Variants in CELF2 observed in about 807,000 individuals in gnomAD.
CELF2 encodes the protein CUGBP Elav-like family member 2.
CELF2 carries 8 observed loss-of-function variants against 62.6 expected under a neutral mutation model. That is an observed-to-expected ratio of 0.13 (90% CI 0.07 to 0.23). CELF2 has a LOEUF of 0.23. Among genes scored for constraint, CELF2 ranks in the 10% least tolerant of loss-of-function variants. The probability of loss-of-function intolerance (pLI) is 1.00; values close to 1 mark genes in which losing one functional copy is unlikely to be tolerated. For missense variants in CELF2, 333 were observed against 671.0 expected (o/e 0.50, Z 5.56); for synonymous variants, 258 against 250.0 (o/e 1.03, Z -0.30).
the CELF2 span, among the ~76,000 whole-genome samples, chr10:10,645,951 C>T: frequency 1.3e-5 from 2 of 152,220 alleles, no homozygotes; most frequent in Non-Finnish European, 2.9e-5. Flanking sequence ...AGGATGCTAA[C>T]TTCCTGTGGC....
rs1158212161 is a variant in CELF2 at position 10,995,820 on chromosome 10, G to A, written c.89+75821G>A. Among the ~76,000 whole-genome samples, 2 of 152,154 alleles carry A rather than the reference G, an allele frequency of 1.3e-5. No homozygotes were observed. The highest frequency in any genetic ancestry group is 1.9e-4 in the East Asian group (1 of 5,198). On this transcript the variant is annotated intron_variant, in intron 2 of 13. Transcript: ENST00000636488. This position sits in a 1 kb window ranked among gnomAD's most constrained non-coding sequence, Gnocchi z 4.7. Reference sequence around the variant, plus strand: ...GGGAGGAAGTGGTTGGGAAAGTGTTGTTCAACAGATTCTCGTCTCTCTGAC... The same window carrying A: ...GGGAGGAAGTGGTTGGGAAAGTGTTATTCAACAGATTCTCGTCTCTCTGAC...
At chr10:10,874,188 A>G (rs1325792079) in intron 1 of CELF2, among the ~76,000 whole-genome samples, 3 of 152,214 alleles carry the variant, frequency 2.0e-5, no homozygotes, top group African/African-American at 7.2e-5. Flanking sequence ...GCATGGTGGC[A>G]CATGCCTTAA....
chr10:10,749,054 A>C, the CELF2 span, among the ~76,000 whole-genome samples: 1 of 152,330 alleles, frequency 6.6e-6, no homozygotes, highest in East Asian at 1.9e-4. Context: ...TTTTTGCTTT[A>C]CGGGAGATTC....
chr10:10,778,377 C>A, the CELF2 span, among the ~76,000 whole-genome samples: 2 of 152,152 alleles, frequency 1.3e-5, no homozygotes, highest in Admixed American at 6.5e-5. Context: ...GACTCTCCTG[C>A]CTACAAAACT....
chr10:10,786,918 C>CACACAG, the CELF2 span, among the ~76,000 whole-genome samples: 1 of 151,196 alleles, frequency 6.6e-6, no homozygotes, highest in Admixed American at 6.6e-5. Flanking sequence ...CACACACACA[C>CACACAG]AGGAGTGCAG....
chr10:10,963,055 TTTTGTGATGC>T (rs2049716809), intron 2 of CELF2, among the ~76,000 whole-genome samples: 1 of 144,870 alleles, frequency 6.9e-6, no homozygotes, highest in South Asian at 2.2e-4. Flanking sequence ...TTTTGTTTTG[TTTTGTGATGC>T]AGTCTTGCTC....
At chr10:10,587,826 G>A in the CELF2 span, among the ~76,000 whole-genome samples, 3 of 151,970 alleles carry the variant, frequency 2.0e-5, no homozygotes, top group Non-Finnish European at 2.9e-5. Context: ...GAGAAATGAG[G>A]GCTTGACTAC....
At chr10:10,701,804 A>G in the CELF2 span, among the ~76,000 whole-genome samples, 1 of 152,178 alleles carries the variant, frequency 6.6e-6, no homozygotes, top group African/African-American at 2.4e-5. Context: ...TCGCTTAGAG[A>G]CCATGAGAAA....
chr10:11,155,949 GC>G (rs2064288054), intron 1 of CELF2, among the ~76,000 whole-genome samples: 1 of 152,168 alleles, frequency 6.6e-6, no homozygotes, highest in Admixed American at 6.5e-5. Flanking sequence ...ATTAAATTCT[GC>G]CATTGATAGA....
At chr10:11,259,334 C>T (rs978640499) in intron 5 of CELF2, among the ~76,000 whole-genome samples, 3 of 151,968 alleles carry the variant, frequency 2.0e-5, no homozygotes, top group South Asian at 4.1e-4. Flanking sequence ...ACAACCACCT[C>T]CAGAGCCCCA....
chr10:10,986,899 C>T (rs1398199202), intron 2 of CELF2, among the ~76,000 whole-genome samples: 2 of 152,162 alleles, frequency 1.3e-5, no homozygotes, highest in Non-Finnish European at 2.9e-5. Context: ...AGGCCCCCAG[C>T]CCTGAGGACT....
chr10:11,300,006 C>T lies in CELF2; in HGVS notation c.976+11454C>T, dbSNP rs977726318. ...TGTGTACTGCCTGTATGAATGGACT[C>T]TTCCAAACTCATGGCCCCACACTGC... On this transcript the variant is annotated intron_variant, in intron 9 of 12. Coordinates refer to ENST00000633077, the MANE Select transcript of CELF2 (RefSeq NM_001326342.2). The surrounding 1 kb of genome is among the most constrained non-coding windows in gnomAD (Gnocchi z 5.5). 8.5e-5 allele frequency among the ~76,000 whole-genome samples: 13 copies of T among 152,210 alleles called. No homozygotes were observed. The highest frequency in any genetic ancestry group is 2.9e-4 in the African/African-American group (12 of 41,452).
chr10:11,316,410 G>A lies in CELF2; in HGVS notation c.1096+2152G>A, dbSNP rs78792873. Among the ~76,000 whole-genome samples the A allele has an allele frequency of 4.5e-3, 678 of 152,294 alleles. 9 individuals are homozygous for A. The highest frequency in any genetic ancestry group is 0.038 in the East Asian group (198 of 5,186). ...TTTTACAATCTCCAGCATTGACCTCGAGCTAATATTTGCTGCTTGTCTCTA... is the reference window on the plus strand; with the variant it reads ...TTTTACAATCTCCAGCATTGACCTCAAGCTAATATTTGCTGCTTGTCTCTA... On this transcript the variant is annotated intron_variant, in intron 10 of 12. Transcript: ENST00000633077. This position sits in a 1 kb window ranked among gnomAD's most constrained non-coding sequence, Gnocchi z 4.4.
At chr10:10,511,617 G>A in the CELF2 span, among the ~76,000 whole-genome samples, 3 of 152,264 alleles carry the variant, frequency 2.0e-5, no homozygotes, top group Non-Finnish European at 2.9e-5. Context: ...GGCAGTATGT[G>A]TAGTGGATAT....
chr10:11,005,131 A>G, upstream of CELF2: 2 of 985,270 alleles, frequency 2.0e-6, no homozygotes, highest in South Asian at 4.7e-5. This position sits in a 1 kb window ranked among gnomAD's most constrained non-coding sequence, Gnocchi z 4.3. Context: ...TATTAGTGTA[A>G]TAATATGCAT....
Position 11,075,051 on chromosome 10 carries a change from T to G in CELF2, c.74+56888T>G, listed in dbSNP as rs146262176. ...ACTCAGAATGGAATTGAAAGATGCT[T>G]TCGATTCTCTTGTTTCCTCTTGTCA... On this transcript the variant is annotated intron_variant, in intron 1 of 12. Coordinates refer to ENST00000633077, the MANE Select transcript of CELF2 (RefSeq NM_001326342.2). This position sits in a 1 kb window ranked among gnomAD's most constrained non-coding sequence, Gnocchi z 5.4. 3.9e-5 allele frequency: 6 copies of G among 152,308 alleles called. No homozygotes were observed. The East Asian group carries it at 5.8e-4, about 15-fold the overall frequency. 9.4% of individuals were successfully genotyped at this position (152,308 alleles called of 1,614,324 possible). A position where few individuals can be genotyped will look rare whatever the true frequency, so the allele number is the denominator to read the frequency against.
In CELF2 at chr10:11,334,850, C is replaced by CTT. The variant is rs1275185027; in HGVS notation, c.*5798_*5799dup. 2 of 152,312 alleles carry CTT rather than the reference C, an allele frequency of 1.3e-5. No homozygotes were observed. Among genetic ancestry groups the CTT allele is most frequent in the Admixed American group, 6.5e-5 (1 of 15,306 alleles). 9.4% of individuals were successfully genotyped at this position (152,312 alleles called of 1,614,324 possible). On this transcript the variant is annotated 3_prime_UTR_variant, in exon 13 of 13. Coordinates refer to ENST00000633077, the MANE Select transcript of CELF2 (RefSeq NM_001326342.2). Reference sequence around the variant, plus strand: ...GAGTTCTCCAGGGAAGAAAAATCAACTTAGCCAGTGAAAAGGGTTAAACTT... The same window carrying CTT: ...GAGTTCTCCAGGGAAGAAAAATCAACTTTTAGCCAGTGAAAAGGGTTAAACTT...
chr10:10,986,056 CTATT>C (rs1564314217), intron 2 of CELF2, among the ~76,000 whole-genome samples: 1 of 152,150 alleles, frequency 6.6e-6, no homozygotes, highest in Non-Finnish European at 1.5e-5. Context: ...ATTCATTTAT[CTATT>C]TGTCTCCCAA....
chr10:10,684,761 A>G, the CELF2 span, among the ~76,000 whole-genome samples: 1 of 152,164 alleles, frequency 6.6e-6, no homozygotes, highest in East Asian at 1.9e-4. Context: ...ACAACAAAAA[A>G]TTGCAACAAG....
Sources: allele counts gnomAD v4.1 joint callset (sites outside exome capture counted in the v4.1 genomes callset), GRCh38; gene constraint gnomAD v4.1.1; non-coding constraint Gnocchi (gnomAD v3.1); transcripts MANE v1.5; gene names NCBI Gene and HGNC (gene_info 2026-07-23, HGNC 2026-07-21).